Variants in ZNF423 observed in about 807,000 individuals in gnomAD.
ZNF423 encodes Ebf-associated zinc finger protein.
Under a neutral mutation model 95.8 loss-of-function variants are expected in ZNF423, and 12 were observed. That is an observed-to-expected ratio of 0.13 (90% CI 0.08 to 0.20). The LOEUF (loss-of-function observed/expected upper bound fraction) is 0.20, where lower values mean the gene tolerates loss of function less well. Among genes scored for constraint, ZNF423 ranks in the 10% least tolerant of loss-of-function variants. ZNF423 has a pLI of 1.00. For synonymous variants in ZNF423, 749 were observed against 711.9 expected (o/e 1.05, Z -0.83); for missense variants, 1,316 against 1,737.1 (o/e 0.76, Z 4.31).
intron 5 of ZNF423, among the ~76,000 whole-genome samples, chr16:49,620,021 C>T (rs1972005462): frequency 6.6e-6 from 1 of 152,012 alleles, no homozygotes; most frequent in African/African-American, 2.4e-5. Flanking sequence ...GAACAGTGGG[C>T]CCTGGCTCTG....
At chr16:49,788,659 C>T (rs866081928) in intron 2 of ZNF423, among the ~76,000 whole-genome samples, 2 of 152,194 alleles carry the variant, frequency 1.3e-5, no homozygotes, top group Non-Finnish European at 2.9e-5. Context: ...CCAGCTCCCC[C>T]ACAAATCCAG....
intron 3 of ZNF423, among the ~76,000 whole-genome samples, chr16:49,719,235 C>T (rs1384427928): frequency 1.3e-5 from 2 of 152,078 alleles, no homozygotes; most frequent in African/African-American, 2.4e-5. Context: ...CAGGAAGTGC[C>T]GGCCTAATGA....
At chr16:49,596,803 G>T (rs1400394259) in intron 5 of ZNF423, among the ~76,000 whole-genome samples, 1 of 152,206 alleles carries the variant, frequency 6.6e-6, no homozygotes, top group Non-Finnish European at 1.5e-5. Context: ...AGAGGAGGGG[G>T]ATGTCAGGCA....
At chr16:49,661,172 C>T (rs927403021) in intron 3 of ZNF423, among the ~76,000 whole-genome samples, 3 of 149,122 alleles carry the variant, frequency 2.0e-5, no homozygotes, top group Non-Finnish European at 4.4e-5. Context: ...AAGCCGAGAT[C>T]GCACCATTGC....
chr16:49,554,190 C>G (rs891002905), intron 5 of ZNF423, among the ~76,000 whole-genome samples: 1 of 152,202 alleles, frequency 6.6e-6, no homozygotes, highest in Non-Finnish European at 1.5e-5. Flanking sequence ...GGCCACAGCT[C>G]CAACTCCACA....
At chr16:49,571,641 GAC>G (rs902519731) in intron 5 of ZNF423, among the ~76,000 whole-genome samples, 5 of 152,278 alleles carry the variant, frequency 3.3e-5, no homozygotes, top group African/African-American at 1.2e-4. Flanking sequence ...CAGACAGGGA[GAC>G]ACATTCAGAA....
intron 1 of ZNF423, among the ~76,000 whole-genome samples, chr16:49,846,201 C>T (rs1421929781): frequency 6.7e-6 from 1 of 149,044 alleles, no homozygotes; most frequent in Non-Finnish European, 1.5e-5. Context: ...ACTCGGGAGG[C>T]TGAGGCAGGA....
At chr16:49,696,223 C>G (rs1484864554) in intron 3 of ZNF423, among the ~76,000 whole-genome samples, 2 of 152,230 alleles carry the variant, frequency 1.3e-5, no homozygotes, top group African/African-American at 4.8e-5. Flanking sequence ...GCCTGCTCCC[C>G]AGCCTCACAA....
intron 7 of ZNF423, among the ~76,000 whole-genome samples, chr16:49,516,148 T>C (rs1311895767): frequency 6.6e-6 from 1 of 152,174 alleles, no homozygotes; most frequent in Non-Finnish European, 1.5e-5. Flanking sequence ...GCCCCGGCCC[T>C]CTGGCCTCCA....
At chr16:49,712,341 G>A (rs1249019917) in intron 3 of ZNF423, among the ~76,000 whole-genome samples, 2 of 152,174 alleles carry the variant, frequency 1.3e-5, no homozygotes, top group Non-Finnish European at 2.9e-5. Flanking sequence ...GTGCCGCAAA[G>A]CTTTGTGAAG....
At chr16:49,837,777 C>T (rs958626808) in intron 1 of ZNF423, among the ~76,000 whole-genome samples, 1 of 152,218 alleles carries the variant, frequency 6.6e-6, no homozygotes, top group Non-Finnish European at 1.5e-5. Context: ...CAGGCAGAGG[C>T]AGCCCTAGTG....
intron 1 of ZNF423, among the ~76,000 whole-genome samples, chr16:49,853,523 T>C (rs2035324522): frequency 6.6e-6 from 1 of 152,176 alleles, no homozygotes; most frequent in Non-Finnish European, 1.5e-5. Flanking sequence ...TCTCTGACTC[T>C]GCGGACAGAA....
intron 7 of ZNF423, among the ~76,000 whole-genome samples, chr16:49,515,817 C>T (rs569257578): frequency 2.0e-5 from 3 of 152,310 alleles, no homozygotes; most frequent in Admixed American, 1.3e-4. Flanking sequence ...GAGATGGAGG[C>T]ACCATCCGTG....
chr16:49,738,843 G>A, intron 2 of ZNF423, among the ~76,000 whole-genome samples: 1 of 152,060 alleles, frequency 6.6e-6, no homozygotes, highest in East Asian at 1.9e-4. Context: ...GCAGAAAGCA[G>A]AACCACCAGG....
At chr16:49,805,643 T>C (rs1454280218) in intron 1 of ZNF423, among the ~76,000 whole-genome samples, 1 of 152,224 alleles carries the variant, frequency 6.6e-6, no homozygotes, top group Non-Finnish European at 1.5e-5. Context: ...TCCTTTTTTC[T>C]GAACCCTCCA....
At chr16:49,763,853 C>T (rs900811583) in intron 2 of ZNF423, among the ~76,000 whole-genome samples, 4 of 152,284 alleles carry the variant, frequency 2.6e-5, no homozygotes, top group East Asian at 3.9e-4. Context: ...CAGATCAGCC[C>T]GTTCCTTCCT....
At chr16:49,627,134 A>G (rs1972314088) in intron 4 of ZNF423, among the ~76,000 whole-genome samples, 2 of 143,498 alleles carry the variant, frequency 1.4e-5, no homozygotes, top group Non-Finnish European at 3.0e-5. Flanking sequence ...ATTCATCTAC[A>G]TACACACCCA....
intron 1 of ZNF423, among the ~76,000 whole-genome samples, chr16:49,831,737 TC>T (rs2035063143): frequency 6.6e-6 from 1 of 152,038 alleles, no homozygotes; most frequent in African/African-American, 2.4e-5. Context: ...ACGCCTGTAA[TC>T]CCAGCACTTT....
At chr16:49,539,328 G>A (rs1294422260) in intron 5 of ZNF423, among the ~76,000 whole-genome samples, 1 of 152,102 alleles carries the variant, frequency 6.6e-6, no homozygotes, top group South Asian at 2.1e-4. Context: ...CATCTTCCCG[G>A]GAACCCCATA....
Sources: allele counts gnomAD v4.1 joint callset (sites outside exome capture counted in the v4.1 genomes callset), GRCh38; gene constraint gnomAD v4.1.1; transcripts MANE v1.5; gene names NCBI Gene and HGNC (gene_info 2026-07-23, HGNC 2026-07-21).